PKNOX2: variants seen among roughly 807,000 people sequenced by gnomAD.
PKNOX2 encodes PBX/knotted 1 homeobox 2, also known as homeobox protein PKNOX2.
A neutral mutation model predicts 53.1 loss-of-function variants in PKNOX2; 14 were observed. The observed-to-expected ratio is 0.26, with a 90% CI of 0.17 to 0.41. The LOEUF (loss-of-function observed/expected upper bound fraction) is 0.41. Ranked by LOEUF, PKNOX2 falls within the 10% of genes least tolerant of loss-of-function variation. The probability of loss-of-function intolerance (pLI) is 1.00; values close to 1 mark genes in which losing one functional copy is unlikely to be tolerated. For synonymous variants in PKNOX2, 257 were observed against 242.8 expected (o/e 1.06, Z -0.54); for missense variants, 496 against 602.8 (o/e 0.82, Z 1.85).
At chr11:125,390,137 T>C (rs1267606015) in intron 6 of PKNOX2, among the ~76,000 whole-genome samples, 1 of 152,256 alleles carries the variant, frequency 6.6e-6, no homozygotes, top group Non-Finnish European at 1.5e-5. Flanking sequence ...TCAACGCTAG[T>C]AATAATGAAC....
chr11:125,288,805 C>T (rs963284978), intron 2 of PKNOX2, among the ~76,000 whole-genome samples: 5 of 152,174 alleles, frequency 3.3e-5, no homozygotes, highest in African/African-American at 7.2e-5. Context: ...TAGCATGCCC[C>T]CACTCAACCC....
intron 1 of PKNOX2, among the ~76,000 whole-genome samples, chr11:125,212,184 C>G (rs1294677812): frequency 6.6e-6 from 1 of 152,076 alleles, no homozygotes; most frequent in Non-Finnish European, 1.5e-5. Context: ...CTCATCTTCC[C>G]TTTGAAAGAG....
In PKNOX2 at chr11:125,410,576, G is replaced by A. The variant is rs564936035; in HGVS notation, c.719-203G>A. ...CAAGTAAGGCTGTTGTCCCTTCCCC[G>A]AAGCACCTCCCACCAGAGGCTCTGT... On this transcript the variant is annotated intron_variant, in intron 8 of 12. Coordinates refer to ENST00000298282, the MANE Select transcript of PKNOX2 (RefSeq NM_001382323.2). 337 of 653,658 alleles carry A rather than the reference G, an allele frequency of 5.2e-4. 3 individuals are homozygous for A. The highest frequency in any genetic ancestry group is 2.7e-3 in the African/African-American group (148 of 54,796). The allele number at this position is 653,658 out of a possible 1,614,324, so 40.5% of individuals were successfully genotyped here.
chr11:125,403,637 C>G (rs1483947470), intron 7 of PKNOX2, among the ~76,000 whole-genome samples: 1 of 152,174 alleles, frequency 6.6e-6, no homozygotes, highest in Non-Finnish European at 1.5e-5. Flanking sequence ...ATGGGCTACT[C>G]CAGAGCCCAT....
chr11:125,372,366 T>C (rs759910447), intron 5 of PKNOX2, among the ~76,000 whole-genome samples: 5 of 127,236 alleles, frequency 3.9e-5, no homozygotes, highest in Non-Finnish European at 9.6e-5. Flanking sequence ...AGGCGCACAG[T>C]CTCTAGATTT....
chr11:125,429,852 A>AC (rs1956610149), intron 11 of PKNOX2, 111 bp from the exon 12 acceptor site: 5 of 1,262,624 alleles, frequency 4.0e-6, no homozygotes, highest in Non-Finnish European at 5.5e-6. Flanking sequence ...CGGGATGGGA[A>AC]CCCCGGTCTG....
Position 125,431,399 on chromosome 11 carries a change from A to G in PKNOX2, c.*7A>G, listed in dbSNP as rs777596153. ...CAGTGACTCCCTGGAGTAGTCGGGCAGCCCAGATGGCACTGATCACTGAGC... is the reference window on the plus strand; with the variant it reads ...CAGTGACTCCCTGGAGTAGTCGGGCGGCCCAGATGGCACTGATCACTGAGC... On this transcript the variant is annotated 3_prime_UTR_variant, in exon 13 of 13. Coordinates refer to ENST00000298282, the MANE Select transcript of PKNOX2 (RefSeq NM_001382323.2). 7.1e-7 allele frequency: 1 copy of G among 1,403,954 alleles called. No individual in the cohort carries two copies. Among genetic ancestry groups the G allele is most frequent in the Non-Finnish European group, 9.5e-7 (1 of 1,049,768 alleles). The allele number at this position is 1,403,954 out of a possible 1,614,324, so 87.0% of individuals were successfully genotyped here. A position where few individuals can be genotyped will look rare whatever the true frequency, so the allele number is the denominator to read the frequency against.
At chr11:125,345,261 C>T (rs182994810) in intron 3 of PKNOX2, among the ~76,000 whole-genome samples, 8 of 152,324 alleles carry the variant, frequency 5.3e-5, no homozygotes, top group South Asian at 2.1e-4. Context: ...GGAGCATCCA[C>T]TTCTCCCTCT....
At chr11:125,222,108 C>A (rs1448439361) in intron 1 of PKNOX2, among the ~76,000 whole-genome samples, 1 of 152,200 alleles carries the variant, frequency 6.6e-6, no homozygotes, top group African/African-American at 2.4e-5. Flanking sequence ...GGAACTTGAC[C>A]TGGAAGCCAG....
Position 125,260,136 on chromosome 11 carries a change from C to G in PKNOX2, c.-130+25021C>G, listed in dbSNP as rs897058535. Among the ~76,000 whole-genome samples, 9 of 152,218 alleles carry G rather than the reference C, an allele frequency of 5.9e-5. No homozygotes were observed. The South Asian group carries it at 8.3e-4, about 14-fold the overall frequency. On this transcript the variant is annotated intron_variant, in intron 2 of 12. Transcript: ENST00000298282. Reference sequence around the variant, plus strand: ...CAAGTGATCCTCCCGCCTCAGCCCCCCAAAGTGCTGGGATTATAGGTGTGA... The same window carrying G: ...CAAGTGATCCTCCCGCCTCAGCCCCGCAAAGTGCTGGGATTATAGGTGTGA...
rs149838420 is a variant in PKNOX2, at chr11:125,226,076, C to T, written c.-200-8969C>T. ...TCTCTTGCTTCCTGTGAACCAACAA[C>T]AGCAATATTTACTTGCACAAGACAC... On this transcript the variant is annotated intron_variant, in intron 1 of 12. Coordinates refer to ENST00000298282, the MANE Select transcript of PKNOX2 (RefSeq NM_001382323.2). Among the ~76,000 whole-genome samples the T allele has an allele frequency of 1.6e-3, 249 of 152,356 alleles. 3 individuals carry two copies. The highest frequency in any genetic ancestry group is 6.8e-3 in the Middle Eastern group (2 of 294).
chr11:125,343,766 C>T (rs1235471804), intron 3 of PKNOX2, among the ~76,000 whole-genome samples: 2 of 151,758 alleles, frequency 1.3e-5, no homozygotes, highest in African/African-American at 2.4e-5. Context: ...TGTGGAGAGG[C>T]GGGAGCAAGA....
chr11:125,270,320 G>A (rs1211567482), intron 2 of PKNOX2, among the ~76,000 whole-genome samples: 1 of 152,196 alleles, frequency 6.6e-6, no homozygotes, highest in Non-Finnish European at 1.5e-5. Context: ...CTCTGCAGGT[G>A]GGTGAATGGC....
At position 125,337,446 on chromosome 11, in the gene PKNOX2, C is replaced by T. The variant is rs558413730; in HGVS notation, c.-23+5521C>T. On this transcript the variant is annotated intron_variant, in intron 3 of 12. Coordinates refer to ENST00000298282, the MANE Select transcript of PKNOX2 (RefSeq NM_001382323.2). ...TTTGTCTTCATACTTGACTGATAAT[C>T]GGACTGCGCTCAGAATCCCAGGTTC... Among the ~76,000 whole-genome samples the T allele has an allele frequency of 5.3e-5, 8 of 152,320 alleles. No individual in the cohort carries two copies. The South Asian group carries it at 1.0e-3, about 20-fold the overall frequency.
intron 1 of PKNOX2, among the ~76,000 whole-genome samples, chr11:125,234,004 A>C (rs1362513436): frequency 6.6e-6 from 1 of 152,152 alleles, no homozygotes; most frequent in African/African-American, 2.4e-5. Context: ...TGTCAGGCAG[A>C]CCAGTCTCTG....
chr11:125,307,006 C>A (rs995903516), intron 2 of PKNOX2, among the ~76,000 whole-genome samples: 1 of 152,182 alleles, frequency 6.6e-6, no homozygotes, highest in African/African-American at 2.4e-5. Context: ...TCTCTGTGGG[C>A]CCAGCACACT....
At chr11:125,411,644 G>C (rs1288396931) in intron 9 of PKNOX2, 102 bp from the exon 10 acceptor site, 1 of 1,594,718 alleles carries the variant, frequency 6.3e-7, no homozygotes, top group Non-Finnish European at 8.6e-7. Flanking sequence ...AATGAGCCGG[G>C]AAAGGGGCTG....
At chr11:125,217,603 T>C (rs1481361813) in intron 1 of PKNOX2, among the ~76,000 whole-genome samples, 2 of 152,198 alleles carry the variant, frequency 1.3e-5, no homozygotes, top group Non-Finnish European at 2.9e-5. Context: ...GGCTGTCTCC[T>C]CTGCGTGATT....
At chr11:125,388,005 G>A (rs1411871474) in intron 6 of PKNOX2, among the ~76,000 whole-genome samples, 1 of 152,048 alleles carries the variant, frequency 6.6e-6, no homozygotes, top group African/African-American at 2.4e-5. Flanking sequence ...CTTTAAAAAT[G>A]CCTGTCATCT....
Sources: allele counts gnomAD v4.1 joint callset (sites outside exome capture counted in the v4.1 genomes callset), GRCh38; gene constraint gnomAD v4.1.1; transcripts MANE v1.5; gene names NCBI Gene and HGNC (gene_info 2026-07-23, HGNC 2026-07-21).